ATP6V0A4: variants seen among roughly 807,000 people sequenced by gnomAD.
ATP6V0A4 encodes the protein ATPase H+ transporting V0 subunit a4.
ATP6V0A4 carries 86 observed loss-of-function variants against 107.3 expected under a neutral mutation model. The ratio of observed to expected loss-of-function variants is 0.80; its 90% confidence interval spans 0.67 to 0.96. The LOEUF is 0.96. Ranked by LOEUF, ATP6V0A4 falls within the 40% of genes least tolerant of loss-of-function variation. The probability of loss-of-function intolerance (pLI) is 0.00; values close to 1 mark genes in which losing one functional copy is unlikely to be tolerated. For missense variants in ATP6V0A4, 908 were observed against 1,045.6 expected (o/e 0.87, Z 1.81); for synonymous variants, 353 against 381.4 (o/e 0.93, Z 0.87).
chr7:138,717,811 G>C (rs906276130), intron 19 of ATP6V0A4, among the ~76,000 whole-genome samples: 1 of 150,010 alleles, frequency 6.7e-6, no homozygotes, highest in African/African-American at 2.5e-5. Context: ...GGGAGGCTGA[G>C]GCAGGAGAAT....
At chr7:138,759,408 T>C (rs1309839899) in intron 8 of ATP6V0A4, among the ~76,000 whole-genome samples, 5 of 152,112 alleles carry the variant, frequency 3.3e-5, no homozygotes, top group South Asian at 2.1e-4. Context: ...CGCGTGCACA[T>C]TGAAGCTTGA....
At chr7:138,793,400 G>T (rs1808515294) in intron 1 of ATP6V0A4, among the ~76,000 whole-genome samples, 2 of 152,158 alleles carry the variant, frequency 1.3e-5, no homozygotes, top group South Asian at 4.1e-4. Flanking sequence ...CTCAATTACA[G>T]CCTCAAATAT....
chr7:138,751,832 G>A (rs1169089792), intron 11 of ATP6V0A4, among the ~76,000 whole-genome samples: 1 of 152,010 alleles, frequency 6.6e-6, no homozygotes, highest in African/African-American at 2.4e-5. Flanking sequence ...GGTAACAGGT[G>A]GTATCTACAG....
intron 5 of ATP6V0A4, among the ~76,000 whole-genome samples, chr7:138,764,033 T>G (rs968754063): frequency 2.0e-5 from 3 of 150,064 alleles, no homozygotes; most frequent in Admixed American, 6.7e-5. Context: ...TATATGTATA[T>G]GTATATAATA....
intron 9 of ATP6V0A4, chr7:138,756,139 C>G (rs762158950): frequency 5.6e-6 from 3 of 531,404 alleles, no homozygotes; most frequent in South Asian, 2.1e-5. Flanking sequence ...CTACATGTAA[C>G]ACGATTCTGT....
At chr7:138,784,395 T>G (rs1475568197) in intron 2 of ATP6V0A4, among the ~76,000 whole-genome samples, 1 of 149,784 alleles carries the variant, frequency 6.7e-6, no homozygotes, top group Non-Finnish European at 1.5e-5. Context: ...CTTGGCTCAC[T>G]GCAAGCTCCG....
intron 2 of ATP6V0A4, among the ~76,000 whole-genome samples, chr7:138,784,279 T>TATATATATACAC (rs1375136956): frequency 0.052 from 1,849 of 35,586 alleles, 123 homozygotes; most frequent in African/African-American, 0.16. Flanking sequence ...TATATATATA[T>TATATATATACAC]ACATATATAT....
chr7:138,794,467 T>C (rs2130240592), intron 1 of ATP6V0A4, among the ~76,000 whole-genome samples: 1 of 152,300 alleles, frequency 6.6e-6, no homozygotes, highest in Middle Eastern at 3.4e-3. Context: ...CTGGAAACTC[T>C]CTGCCTACTT....
At chr7:138,774,389 G>A (rs956930277) in intron 2 of ATP6V0A4, among the ~76,000 whole-genome samples, 2 of 151,930 alleles carry the variant, frequency 1.3e-5, no homozygotes, top group African/African-American at 4.8e-5. Flanking sequence ...GACTAGCCTG[G>A]CCAACATGGT....
chr7:138,780,595 G>T (rs912344020), intron 2 of ATP6V0A4, among the ~76,000 whole-genome samples: 1 of 152,186 alleles, frequency 6.6e-6, no homozygotes. Context: ...TTGGTGAGTG[G>T]AAGTCCATGT....
rs541254187 is a variant in ATP6V0A4, at chr7:138,765,329, A to G, written c.292-2304T>C. Among the ~76,000 whole-genome samples the G allele has an allele frequency of 2.7e-4, 41 of 152,274 alleles. No homozygotes were observed. The South Asian group carries it at 7.5e-3, about 28-fold the overall frequency. ...AATATAATGACACAAAGTTGGGGGG[A>G]AAAGTAAATCTTCATTTCCCAATCA... On this transcript the variant is annotated intron_variant, in intron 5 of 21. Transcript: ENST00000310018.
intron 16 of ATP6V0A4, 139 bp downstream of exon 16, chr7:138,733,997 A>G: frequency 2.1e-6 from 2 of 962,018 alleles, no homozygotes; most frequent in Non-Finnish European, 3.2e-6. Context: ...TCTTGGCTCA[A>G]GCCCAGATGC....
At chr7:138,707,046 C>T (rs1198808454) in intron 21 of ATP6V0A4, among the ~76,000 whole-genome samples, 2 of 107,062 alleles carry the variant, frequency 1.9e-5, no homozygotes, top group Non-Finnish European at 3.6e-5. Flanking sequence ...TAGGCATATA[C>T]CACCATGCCT....
intron 18 of ATP6V0A4, 84 bp from the exon 19 acceptor site, chr7:138,722,109 C>G (rs1447037641): frequency 6.4e-7 from 1 of 1,569,956 alleles, no homozygotes; most frequent in Non-Finnish European, 8.6e-7. Flanking sequence ...AGGCTCTCCT[C>G]AAATACTACC....
chr7:138,765,372 A>G (rs1221460415), intron 5 of ATP6V0A4, among the ~76,000 whole-genome samples: 1 of 152,208 alleles, frequency 6.6e-6, no homozygotes, highest in African/African-American at 2.4e-5. Context: ...TATCCACTTA[A>G]GGATGCCATA....
intron 14 of ATP6V0A4, 89 bp from the exon 15 acceptor site, chr7:138,739,722 A>G (rs983860162): frequency 1.9e-6 from 3 of 1,562,246 alleles, no homozygotes; most frequent in African/African-American, 2.7e-5. Context: ...CTTGCCCATC[A>G]AAGTCCAACT....
intron 15 of ATP6V0A4, among the ~76,000 whole-genome samples, chr7:138,734,646 C>T (rs904058118): frequency 1.3e-4 from 19 of 151,884 alleles, no homozygotes; most frequent in Admixed American, 7.9e-4. Flanking sequence ...GGCATGGTGG[C>T]GGGTGCCTGT....
intron 1 of ATP6V0A4, among the ~76,000 whole-genome samples, chr7:138,796,187 G>A (rs73166994): frequency 0.013 from 2,038 of 152,208 alleles, 19 homozygotes; most frequent in Non-Finnish European, 0.022. Flanking sequence ...TTGAGCACAA[G>A]GGCTGTGTGG....
At position 138,756,490 on chromosome 7, in the gene ATP6V0A4, C is replaced by T. The variant is rs1052187915; in HGVS notation, c.690G>A (p.Gln230=). 1.9e-6 allele frequency: 3 copies of T among 1,612,702 alleles called. No individual in the cohort carries two copies. Among genetic ancestry groups the T allele is most frequent in the Non-Finnish European group, 2.5e-6 (3 of 1,179,500 alleles). Residue 230 remains glutamine, a synonymous_variant, in exon 9 of 22, where the codon CAG becomes CAA. Coordinates refer to ENST00000310018, the MANE Select transcript of ATP6V0A4 (RefSeq NM_020632.3). The stretch of plus-strand genomic sequence containing the variant: ...AGATCTTCTTGATTTTCTGCCTGAG[C>T]TGCTCTCCTTGGTAAAATATGATGA... ...NIFIIFYQGE[Q]LRQKIKKICD... is the part of the protein sequence containing the mutation.
Sources: allele counts gnomAD v4.1 joint callset (sites outside exome capture counted in the v4.1 genomes callset), GRCh38; gene constraint gnomAD v4.1.1; transcripts MANE v1.5; gene names NCBI Gene and HGNC (gene_info 2026-07-23, HGNC 2026-07-21).